The following BLTP1 variants were observed in gnomAD, a reference collection of about 807,000 sequenced individuals.
The protein encoded by BLTP1 is fragile site-associated protein.
the BLTP1 span, among the ~76,000 whole-genome samples, chr4:122,198,738 G>A: frequency 3.9e-3 from 592 of 152,152 alleles, 2 homozygotes; most frequent in African/African-American, 0.013. Context: ...AATGGACTTA[G>A]GTGTCAGGCA....
At chr4:122,222,511 C>A in the BLTP1 span, among the ~76,000 whole-genome samples, 7 of 152,270 alleles carry the variant, frequency 4.6e-5, no homozygotes, top group African/African-American at 1.7e-4. Context: ...GAAATTTATT[C>A]TCTCACAGTT....
the BLTP1 span, chr4:122,344,731 A>AAATGTTAGG: frequency 7.9e-7 from 1 of 1,268,084 alleles, no homozygotes; most frequent in African/African-American, 1.5e-5. Flanking sequence ...TCCAAGTAAT[A>AAATGTTAGG]AATGTTAGGA....
At chr4:122,329,931 A>G in the BLTP1 span, among the ~76,000 whole-genome samples, 2 of 151,758 alleles carry the variant, frequency 1.3e-5, no homozygotes, top group Non-Finnish European at 2.9e-5. Flanking sequence ...CTCTACTTCT[A>G]TGAGTTGGAC....
At chr4:122,214,055 ATTAAT>A in the BLTP1 span, 4 of 215,114 alleles carry the variant, frequency 1.9e-5, no homozygotes, top group Non-Finnish European at 2.4e-5. Flanking sequence ...AAACCTGGCT[ATTAAT>A]TTTTCTTTTT....
At chr4:122,315,587 G>A in the BLTP1 span, 1 of 1,614,024 alleles carries the variant, frequency 6.2e-7, no homozygotes, top group South Asian at 1.1e-5. Flanking sequence ...AACACTGACA[G>A]GAGAGGAAGA....
At chr4:122,316,612 ACCTT>A in the BLTP1 span, 1 of 1,343,522 alleles carries the variant, frequency 7.4e-7, no homozygotes, top group Non-Finnish European at 1.0e-6. Context: ...GAGAATTCCA[ACCTT>A]AATATAGATG....
chr4:122,343,398 T>C, the BLTP1 span: 1 of 1,612,502 alleles, frequency 6.2e-7, no homozygotes, highest in Admixed American at 1.7e-5. Context: ...CAATTTCCTG[T>C]GCTCACTGTA....
the BLTP1 span, chr4:122,225,861 G>A: frequency 9.6e-4 from 146 of 152,218 alleles, 1 homozygote; most frequent in African/African-American, 3.4e-3. Context: ...AAAGCAGCTT[G>A]TTCCCTACGA....
At chr4:122,285,737 G>A in the BLTP1 span, among the ~76,000 whole-genome samples, 6 of 152,164 alleles carry the variant, frequency 3.9e-5, no homozygotes, top group Non-Finnish European at 8.8e-5. Context: ...GAGAGAATTG[G>A]TAATGTGCAG....
chr4:122,273,138 A>C, the BLTP1 span: 1 of 796,326 alleles, frequency 1.3e-6, no homozygotes, highest in East Asian at 1.3e-4. Flanking sequence ...CTGACAGATT[A>C]TATTACATGA....
At chr4:122,185,099 G>C in the BLTP1 span, 1 of 984,756 alleles carries the variant, frequency 1.0e-6, no homozygotes, top group African/African-American at 1.7e-5. Context: ...GGCTGGCTCA[G>C]ACTTGTAAGT....
the BLTP1 span, chr4:122,257,509 C>A: frequency 6.7e-5 from 108 of 1,612,850 alleles, no homozygotes; most frequent in Non-Finnish European, 9.0e-5. Flanking sequence ...GTTTTGTAAG[C>A]CTCTATTGAG....
the BLTP1 span, among the ~76,000 whole-genome samples, chr4:122,320,481 G>T: frequency 6.6e-6 from 1 of 152,098 alleles, no homozygotes; most frequent in East Asian, 1.9e-4. Context: ...ACACATTAGG[G>T]ATTGTTATTT....
At chr4:122,195,703 T>C in the BLTP1 span, 1 of 800,754 alleles carries the variant, frequency 1.2e-6, no homozygotes, top group South Asian at 5.7e-5. Flanking sequence ...GGATTCTCTA[T>C]CCTTAATATT....
the BLTP1 span, chr4:122,207,664 A>G: frequency 6.7e-7 from 1 of 1,490,936 alleles, no homozygotes; most frequent in Non-Finnish European, 9.3e-7. Context: ...TGCATTATTT[A>G]TTCCACAGGT....
At chr4:122,188,193 A>G in the BLTP1 span, 3 of 1,214,742 alleles carry the variant, frequency 2.5e-6, no homozygotes, top group African/African-American at 4.8e-5. Flanking sequence ...TTGTACAAAA[A>G]TTAGGTATAT....
the BLTP1 span, chr4:122,325,598 TC>T: frequency 8.8e-7 from 1 of 1,130,586 alleles, no homozygotes; most frequent in Non-Finnish European, 1.1e-6. Flanking sequence ...GAATAATTTT[TC>T]TTTCAAGTGA....
the BLTP1 span, among the ~76,000 whole-genome samples, chr4:122,332,629 C>CTT: frequency 0.4 from 56,695 of 142,452 alleles, 11,986 homozygotes; most frequent in African/African-American, 0.49. Flanking sequence ...TAAAAGTTTG[C>CTT]TTTTTTTTTT....
At chr4:122,274,638 CAT>C in the BLTP1 span, 1 of 980,706 alleles carries the variant, frequency 1.0e-6, no homozygotes, top group Non-Finnish European at 1.2e-6. Flanking sequence ...TATATACCTT[CAT>C]TCCTAACTTC....
Sources: allele counts gnomAD v4.1 joint callset (sites outside exome capture counted in the v4.1 genomes callset), GRCh38; gene constraint gnomAD v4.1.1; transcripts MANE v1.5; gene names NCBI Gene and HGNC (gene_info 2026-07-23, HGNC 2026-07-21).